The following ANKRD36B variants were observed in gnomAD, a reference collection of about 807,000 sequenced individuals.
ANKRD36B encodes the protein ankyrin repeat domain 36B.
Under a neutral mutation model 135.7 loss-of-function variants are expected in ANKRD36B, and 37 were observed. The observed-to-expected ratio is 0.27, with a 90% CI of 0.21 to 0.36. The LOEUF (loss-of-function observed/expected upper bound fraction) is 0.36, where lower values mean the gene tolerates loss of function less well. Ranked by LOEUF, ANKRD36B falls within the 10% of genes least tolerant of loss-of-function variation. ANKRD36B has a pLI of 1.00. For missense variants in ANKRD36B, 549 were observed against 1,037.1 expected (o/e 0.53, Z 6.46); for synonymous variants, 179 against 348.1 (o/e 0.51, Z 5.41).
At chr2:97,584,883 G>C in intron 3 of ANKRD36B, 61 bp downstream of exon 3, 1 of 838,178 alleles carries the variant, frequency 1.2e-6, no homozygotes, top group Non-Finnish European at 1.8e-6. Context: ...ACCCTTACAT[G>C]TGTCAATGTT....
At chr2:97,574,323 T>C (rs1456485348) in intron 6 of ANKRD36B, among the ~76,000 whole-genome samples, 1 of 152,024 alleles carries the variant, frequency 6.6e-6, no homozygotes, top group Non-Finnish European at 1.5e-5. Context: ...GAAATGCAAA[T>C]CAAAACCACA....
chr2:97,554,979 C>A (rs1023259474), intron 14 of ANKRD36B, 81 bp downstream of exon 14: 11 of 1,503,314 alleles, frequency 7.3e-6, no homozygotes, highest in Middle Eastern at 1.7e-4. Flanking sequence ...TTTGATGAGC[C>A]CCCCCACTGA....
chr2:97,525,106 G>C lies in ANKRD36B; in HGVS notation c.2266-1639C>G, dbSNP rs568333200. On this transcript the variant is annotated intron_variant, in intron 35 of 43. Transcript: ENST00000359901. ...TTACCTACTGCCAAATCACTGGATT[G>C]TAACTAAGAAGTGAAAAATAATTTG... 2.0e-5 allele frequency: 2 copies of C among 97,564 alleles called. 1 individual carries two copies. The highest frequency in any genetic ancestry group is 6.1e-5 in the African/African-American group (2 of 32,632). The allele number at this position is 97,564 out of a possible 1,614,324, so 6.0% of individuals were successfully genotyped here.
At chr2:97,569,507 T>C (rs967340797) in intron 6 of ANKRD36B, among the ~76,000 whole-genome samples, 2 of 152,018 alleles carry the variant, frequency 1.3e-5, no homozygotes, top group Admixed American at 1.3e-4. Flanking sequence ...TCCAGCTTTA[T>C]AGAAGGTACA....
intron 14 of ANKRD36B, among the ~76,000 whole-genome samples, chr2:97,554,470 T>G (rs13395166): frequency 0.56 from 84,476 of 151,730 alleles, 25,168 homozygotes; most frequent in Non-Finnish European, 0.67. Context: ...TTCCTGGAGC[T>G]GCCAAAATCA....
At chr2:97,574,133 T>C (rs2082071093) in intron 6 of ANKRD36B, among the ~76,000 whole-genome samples, 1 of 152,114 alleles carries the variant, frequency 6.6e-6, no homozygotes, top group Non-Finnish European at 1.5e-5. Flanking sequence ...TTTTGCAACT[T>C]ACTCATCTGA....
chr2:97,578,762 C>T (rs1217413711), intron 5 of ANKRD36B, 144 bp downstream of exon 5: 11 of 1,065,768 alleles, frequency 1.0e-5, no homozygotes, highest in Admixed American at 9.2e-5. Context: ...GCACAACTCT[C>T]GAAAACTTAA....
At chr2:97,559,322 A>G (rs1386241320) in intron 8 of ANKRD36B, among the ~76,000 whole-genome samples, 1 of 151,916 alleles carries the variant, frequency 6.6e-6, no homozygotes, top group African/African-American at 2.4e-5. Flanking sequence ...CTGAGAATCA[A>G]TGTCAAAGCA....
Position 97,539,709 on chromosome 2 carries a change from C to T in ANKRD36B, c.1987+325G>A, listed in dbSNP as rs1210467195. Reference sequence around the variant, plus strand: ...GATATCTGTAAAATCTATACTTCATCTCTATCTCCTACCACCCTTGGTGAA... The same window carrying T: ...GATATCTGTAAAATCTATACTTCATTTCTATCTCCTACCACCCTTGGTGAA... On this transcript the variant is annotated intron_variant, in intron 30 of 43. Transcript: ENST00000359901. 2 of 154,572 alleles carry T rather than the reference C, an allele frequency of 1.3e-5. 1 individual carries two copies. 9.6% of individuals were successfully genotyped at this position (154,572 alleles called of 1,614,324 possible). A position where few individuals can be genotyped will look rare whatever the true frequency, so the allele number is the denominator to read the frequency against.
At position 97,584,846 on chromosome 2, in the gene ANKRD36B, G is replaced by A. The variant is rs1396909640; in HGVS notation, c.450+98C>T. 7 of 630,728 alleles carry A rather than the reference G, an allele frequency of 1.1e-5. No individual in the cohort carries two copies. The Admixed American group carries it at 1.2e-4, about 11-fold the overall frequency. 39.1% of individuals were successfully genotyped at this position (630,728 alleles called of 1,614,324 possible). A position where few individuals can be genotyped will look rare whatever the true frequency, so the allele number is the denominator to read the frequency against. On this transcript the variant is annotated intron_variant, in intron 3 of 43. Transcript: ENST00000359901. ...TTCAAAATATTTTCATTCAAGGAAT[G>A]TTTGAGCTTCCAAATATGAAAAATT...
At chr2:97,554,669 T>A (rs1336086404) in intron 14 of ANKRD36B, among the ~76,000 whole-genome samples, 1 of 151,982 alleles carries the variant, frequency 6.6e-6, no homozygotes, top group Non-Finnish European at 1.5e-5. Context: ...TTTTACTGGT[T>A]ATTACGATCA....
In ANKRD36B at chr2:97,555,705, C is replaced by T. The variant is rs1484170432; in HGVS notation, c.1070-451G>A. ...AGCTTGCCTGATAACTGAGAAAGTA[C>T]ACAATTACAATGACACTTCAGATGA... On this transcript the variant is annotated intron_variant, in intron 12 of 43. Transcript: ENST00000359901. Among the ~76,000 whole-genome samples, 6 of 151,982 alleles carry T rather than the reference C, an allele frequency of 3.9e-5. No individual in the cohort carries two copies. The East Asian group carries it at 9.7e-4, about 25-fold the overall frequency.
At chr2:97,537,524 C>G (rs1381682584) in intron 32 of ANKRD36B, among the ~76,000 whole-genome samples, 1 of 96,854 alleles carries the variant, frequency 1.0e-5, no homozygotes, top group East Asian at 2.3e-4. Context: ...TGTGATTTAT[C>G]CCAATTCTAG....
chr2:97,548,921 TC>T (rs1463385918), intron 20 of ANKRD36B, among the ~76,000 whole-genome samples: 2 of 151,910 alleles, frequency 1.3e-5, no homozygotes, highest in African/African-American at 4.8e-5. Flanking sequence ...ATAAATGACT[TC>T]CTCTTTTCAC....
At chr2:97,577,744 G>A (rs1477175192) in intron 5 of ANKRD36B, among the ~76,000 whole-genome samples, 1 of 146,376 alleles carries the variant, frequency 6.8e-6, no homozygotes, top group South Asian at 2.1e-4. Context: ...AATAGAATCC[G>A]AAAATATTTT....
In ANKRD36B at chr2:97,541,332, G is replaced by A. The variant is rs1261101361; in HGVS notation, c.1885+579C>T. On this transcript the variant is annotated intron_variant, in intron 28 of 43. Transcript: ENST00000359901. Reference sequence around the variant, plus strand: ...TAGTTCTTGGAGAAGCCAAAATTTAGTGTTCTTTTATGCAAATATTCCAAA... The same window carrying A: ...TAGTTCTTGGAGAAGCCAAAATTTAATGTTCTTTTATGCAAATATTCCAAA... Among the ~76,000 whole-genome samples, 7 of 96,310 alleles carry A rather than the reference G, an allele frequency of 7.3e-5. 3 individuals carry two copies. The highest frequency in any genetic ancestry group is 1.9e-4 in the Non-Finnish European group (7 of 36,106). 63.2% of individuals were successfully genotyped at this position (96,310 alleles called of 152,430 possible).
chr2:97,566,813 A>G (rs2081471737), intron 6 of ANKRD36B, among the ~76,000 whole-genome samples: 1 of 152,080 alleles, frequency 6.6e-6, no homozygotes, highest in African/African-American at 2.4e-5. Context: ...CGCAACAACA[A>G]TCATCAGCAC....
At chr2:97,546,463 C>G (rs1168264506) in intron 22 of ANKRD36B, among the ~76,000 whole-genome samples, 1 of 151,644 alleles carries the variant, frequency 6.6e-6, no homozygotes, top group Non-Finnish European at 1.5e-5. Context: ...CAATAATTTG[C>G]CTAAGTTTCT....
In ANKRD36B at chr2:97,557,184, G is replaced by A. The variant is rs1292575988; in HGVS notation, c.968-52C>T. The stretch of plus-strand genomic sequence containing the variant: ...CATCATATGTAAATATGACAAAGTC[G>A]TCCATACATTCATGCAGTGTTAGCA... On this transcript the variant is annotated intron_variant, in intron 10 of 43. Coordinates refer to ENST00000359901, the MANE Select transcript of ANKRD36B (RefSeq NM_001393939.1). The A allele has an allele frequency of 6.4e-5, 96 of 1,493,950 alleles. 1 individual carries two copies. Among genetic ancestry groups the A allele is most frequent in the Middle Eastern group, 4.8e-4 (2 of 4,126 alleles). The allele number at this position is 1,493,950 out of a possible 1,614,324, so 92.5% of individuals were successfully genotyped here.
Sources: gnomAD v4.1 joint callset for allele counts (sites outside exome capture counted in the v4.1 genomes callset) on GRCh38, gnomAD v4.1.1 for gene constraint, MANE v1.5 for transcripts, NCBI Gene and HGNC (gene_info 2026-07-23, HGNC 2026-07-21) for gene names.